The following SORBS2 variants were observed in gnomAD, a reference collection of about 807,000 sequenced individuals.
SORBS2 encodes sorbin and SH3 domain-containing protein 2.
A neutral mutation model predicts 97.7 loss-of-function variants in SORBS2; 46 were observed. That is an observed-to-expected ratio of 0.47 (90% CI 0.37 to 0.60). The LOEUF (loss-of-function observed/expected upper bound fraction) is 0.60. Ranked by LOEUF, SORBS2 falls within the 20% of genes least tolerant of loss-of-function variation. The probability of loss-of-function intolerance (pLI) is 0.00; values close to 1 mark genes in which losing one functional copy is unlikely to be tolerated. For missense variants in SORBS2, 1,316 were observed against 1,282.3 expected, an observed-to-expected ratio of 1.03 and a Z score of -0.40; for synonymous variants, 476 against 473.4, an observed-to-expected ratio of 1.01 and a Z score of -0.07.
upstream of SORBS2, among the ~76,000 whole-genome samples, chr4:185,659,426 A>AT (rs1458994914): frequency 6.7e-6 from 1 of 148,888 alleles, no homozygotes; most frequent in East Asian, 2.0e-4. Context: ...TTACTTCTTT[A>AT]TTTTTTTTGA....
At chr4:185,892,569 C>T (rs914490946) in intron 1 of SORBS2, among the ~76,000 whole-genome samples, 5 of 152,168 alleles carry the variant, frequency 3.3e-5, no homozygotes, top group Non-Finnish European at 1.5e-5. Flanking sequence ...GCATACATAT[C>T]GCAGAATATT....
At position 185,607,364 on chromosome 4, in the gene SORBS2, C is replaced by T. The variant is rs749987455; in HGVS notation, c.2796+4416G>A. On this transcript the variant is annotated intron_variant, in intron 12 of 14. Coordinates refer to ENST00000418609, the Ensembl canonical transcript of SORBS2. The surrounding 1 kb of genome is among the most constrained non-coding windows in gnomAD (Gnocchi z 5.2). ...CTGGAAGCCAACTTGGAAATGAGCA[C>T]GGATTATGAAGTTAAGAAAAAATAA... The T allele has an allele frequency of 1.5e-5, 19 of 1,256,954 alleles. No homozygotes were observed. In the Admixed American group the frequency reaches 2.3e-4, roughly 15 times the overall value. The allele number at this position is 1,256,954 out of a possible 1,614,324, so 77.9% of individuals were successfully genotyped here. A position where few individuals can be genotyped will look rare whatever the true frequency, so the allele number is the denominator to read the frequency against.
intron 2 of SORBS2, among the ~76,000 whole-genome samples, chr4:185,737,747 C>T (rs1562217893): frequency 6.6e-6 from 1 of 152,172 alleles, no homozygotes; most frequent in South Asian, 2.1e-4. Flanking sequence ...AAAACCTTCA[C>T]GAAGTCAGGG....
At chr4:185,838,650 CT>C (rs1407862367) in intron 1 of SORBS2, among the ~76,000 whole-genome samples, 6 of 152,200 alleles carry the variant, frequency 3.9e-5, no homozygotes, top group African/African-American at 1.4e-4. Flanking sequence ...GCCTTTTTTC[CT>C]GCCTTGTCTT....
chr4:185,684,940 G>T lies in SORBS2; in HGVS notation c.-197-6118C>A. On this transcript the variant is annotated intron_variant, in intron 2 of 20. Coordinates refer to the SORBS2 transcript ENST00000284776. The surrounding 1 kb of genome is among the most constrained non-coding windows in gnomAD (Gnocchi z 4.2). ...TAAGAGAAATGTGCCAGACATCCAT[G>T]AGAAAGATGAACAGTTAGAATTAGT... is the stretch of plus-strand genomic sequence containing the variant. 1 of 909,278 alleles carries T rather than the reference G, an allele frequency of 1.1e-6. No homozygotes were observed. The highest frequency in any genetic ancestry group is 1.7e-6 in the Non-Finnish European group (1 of 577,238). The allele number at this position is 909,278 out of a possible 1,614,324, so 56.3% of individuals were successfully genotyped here.
rs1163854510 is a variant in SORBS2 at position 185,759,436 on chromosome 4, G to C, written c.-198+15791C>G. Among the ~76,000 whole-genome samples the C allele has an allele frequency of 1.1e-4, 16 of 152,190 alleles. 1 individual carries two copies. Among genetic ancestry groups the C allele is most frequent in the Admixed American group, 1.0e-3 (16 of 15,274 alleles). ...ACAGAACAGAGTTTGTGTATGTGAGGGGGGTGTGTACCTTTTTCTAAGGAT... is the reference window on the plus strand; with the variant it reads ...ACAGAACAGAGTTTGTGTATGTGAGCGGGGTGTGTACCTTTTTCTAAGGAT... On this transcript the variant is annotated intron_variant, in intron 2 of 20. Coordinates refer to the SORBS2 transcript ENST00000284776.
chr4:185,723,245 CT>C, intron 2 of SORBS2, among the ~76,000 whole-genome samples: 1 of 152,322 alleles, frequency 6.6e-6, no homozygotes, highest in Non-Finnish European at 1.5e-5. Flanking sequence ...CAGATGGCTT[CT>C]TGCTGGTAGC....
intron 1 of SORBS2, among the ~76,000 whole-genome samples, chr4:185,859,825 C>T (rs1397961852): frequency 6.6e-6 from 1 of 152,056 alleles, no homozygotes; most frequent in Non-Finnish European, 1.5e-5. Context: ...AATGCATAAT[C>T]AACAAAAAAC....
intron 9 of SORBS2, among the ~76,000 whole-genome samples, chr4:185,618,027 T>G (rs2096654965): frequency 6.6e-6 from 1 of 152,228 alleles, no homozygotes; most frequent in Non-Finnish European, 1.5e-5. Context: ...CAGGCTAGAG[T>G]GCAGTGGCGC....
intron 1 of SORBS2, among the ~76,000 whole-genome samples, chr4:185,920,495 C>T (rs1469494499): frequency 1.3e-5 from 2 of 152,138 alleles, no homozygotes; most frequent in East Asian, 3.8e-4. Context: ...CATCGCCATA[C>T]AAAGTACCTC....
At chr4:185,779,497 G>A (rs190657631) in intron 1 of SORBS2, among the ~76,000 whole-genome samples, 1 of 152,310 alleles carries the variant, frequency 6.6e-6, no homozygotes, top group East Asian at 1.9e-4. Context: ...GATTTCCAAG[G>A]ACTTTCATGG....
At chr4:185,825,917 G>A (rs1324345342) in intron 1 of SORBS2, among the ~76,000 whole-genome samples, 3 of 152,046 alleles carry the variant, frequency 2.0e-5, no homozygotes, top group East Asian at 1.9e-4. Flanking sequence ...TTCCTCACTC[G>A]GTGGCTATAG....
At chr4:185,676,166 C>G (rs567160662) in intron 4 of SORBS2, among the ~76,000 whole-genome samples, 3 of 152,276 alleles carry the variant, frequency 2.0e-5, no homozygotes, top group Admixed American at 2.0e-4. Context: ...TGGTAATTCC[C>G]TAGTCTTACC....
At chr4:185,763,495 T>C (rs1422570686) in intron 2 of SORBS2, among the ~76,000 whole-genome samples, 3 of 152,194 alleles carry the variant, frequency 2.0e-5, no homozygotes, top group Admixed American at 1.3e-4. Flanking sequence ...ATATAAGTGG[T>C]CAATACAAAC....
intron 1 of SORBS2, among the ~76,000 whole-genome samples, chr4:185,944,215 A>C (rs1222861026): frequency 6.6e-6 from 1 of 152,198 alleles, no homozygotes; most frequent in Non-Finnish European, 1.5e-5. Context: ...TCTTCTGCAA[A>C]TTCTAAGTAA....
intron 1 of SORBS2, among the ~76,000 whole-genome samples, chr4:185,924,328 G>A (rs73021858): frequency 0.01 from 1,590 of 152,266 alleles, 36 homozygotes; most frequent in African/African-American, 0.035. Flanking sequence ...AAAGTTCACC[G>A]TGGGGCCAGA....
intron 2 of SORBS2, among the ~76,000 whole-genome samples, chr4:185,733,223 T>A (rs950590): frequency 3.0e-4 from 46 of 152,356 alleles, no homozygotes; most frequent in African/African-American, 1.1e-3. Context: ...GCACCAGTGC[T>A]ACTTGAAGGG....
chr4:185,819,301 C>G (rs554253371), intron 1 of SORBS2, among the ~76,000 whole-genome samples: 1 of 152,210 alleles, frequency 6.6e-6, no homozygotes, highest in Admixed American at 6.5e-5. Flanking sequence ...CAAGAATCCT[C>G]GTGGTCCAGA....
At chr4:185,825,916 C>T (rs11132355) in intron 1 of SORBS2, among the ~76,000 whole-genome samples, 35,324 of 151,998 alleles carry the variant, frequency 0.23, 4,799 homozygotes, top group East Asian at 0.64. Flanking sequence ...CTTCCTCACT[C>T]GGTGGCTATA....
Sources: allele counts gnomAD v4.1 joint callset (sites outside exome capture counted in the v4.1 genomes callset), GRCh38; gene constraint gnomAD v4.1.1; non-coding constraint Gnocchi (gnomAD v3.1); transcripts MANE v1.5; gene names NCBI Gene and HGNC (gene_info 2026-07-23, HGNC 2026-07-21).